PLEKHA5: variants seen among roughly 807,000 people sequenced by gnomAD.
PLEKHA5 encodes pleckstrin homology domain-containing family A member 5.
Under a neutral mutation model 181.9 loss-of-function variants are expected in PLEKHA5, and 55 were observed. The observed-to-expected ratio is 0.30, with a 90% CI of 0.24 to 0.38. The LOEUF is 0.38. Among genes scored for constraint, PLEKHA5 ranks in the 10% least tolerant of loss-of-function variants. The probability of loss-of-function intolerance (pLI) is 1.00; values close to 1 mark genes in which losing one functional copy is unlikely to be tolerated. For synonymous variants in PLEKHA5, 535 were observed against 529.4 expected (o/e 1.01, Z -0.15); for missense variants, 1,432 against 1,549.5 (o/e 0.92, Z 1.27).
intron 3 of PLEKHA5, among the ~76,000 whole-genome samples, chr12:19,225,464 T>A (rs777978324): frequency 6.6e-6 from 1 of 152,062 alleles, no homozygotes; most frequent in Non-Finnish European, 1.5e-5. Flanking sequence ...ATTTGTGGAG[T>A]TTTAGTACAG....
At chr12:19,224,376 T>G (rs779058020) in intron 3 of PLEKHA5, among the ~76,000 whole-genome samples, 9 of 152,084 alleles carry the variant, frequency 5.9e-5, no homozygotes, top group Admixed American at 2.6e-4. Context: ...ATGACTTTTG[T>G]TTTTGTTTTT....
At position 19,130,500 on chromosome 12, in the gene PLEKHA5, C is replaced by G. The variant is rs1435608580; in HGVS notation, c.169+370C>G. Among the ~76,000 whole-genome samples, 1 of 151,822 alleles carries G rather than the reference C, an allele frequency of 6.6e-6. No individual in the cohort carries two copies. Among genetic ancestry groups the G allele is most frequent in the African/African-American group, 2.4e-5 (1 of 41,348 alleles). On this transcript the variant is annotated intron_variant, in intron 2 of 31. Coordinates refer to ENST00000429027, the MANE Select transcript of PLEKHA5 (RefSeq NM_001256470.2). This position sits in a 1 kb window ranked among gnomAD's most constrained non-coding sequence, Gnocchi z 4.5. Reference sequence around the variant, plus strand: ...GCCGCTACTCACTCCCCGGTGACCCCCAGCTGCCGTCTTGCCCCCCAGCAA... The same window carrying G: ...GCCGCTACTCACTCCCCGGTGACCCGCAGCTGCCGTCTTGCCCCCCAGCAA...
At chr12:19,168,693 C>T (rs1032374589) in intron 3 of PLEKHA5, among the ~76,000 whole-genome samples, 2 of 152,072 alleles carry the variant, frequency 1.3e-5, no homozygotes, top group African/African-American at 2.4e-5. Context: ...CAAATAATAA[C>T]AGCAATAAGA....
chr12:19,340,445 G>GGAAGT (rs2093796560), intron 21 of PLEKHA5, among the ~76,000 whole-genome samples: 1 of 66,874 alleles, frequency 1.5e-5, no homozygotes, highest in Non-Finnish European at 3.7e-5. Flanking sequence ...ACCCCGTCTG[G>GGAAGT]GAGGTGTACT....
chr12:19,341,207 G>A (rs117891923), intron 21 of PLEKHA5, among the ~76,000 whole-genome samples: 2,784 of 152,246 alleles, frequency 0.018, 42 homozygotes, highest in Admixed American at 0.04. Context: ...AACCCAAGAG[G>A]CAGAGGTCAC....
At chr12:19,164,941 C>T (rs1017931489) in intron 3 of PLEKHA5, among the ~76,000 whole-genome samples, 25 of 152,208 alleles carry the variant, frequency 1.6e-4, no homozygotes, top group Non-Finnish European at 2.4e-4. Context: ...TGCCGTTTTT[C>T]CCCACCTCAA....
intron 3 of PLEKHA5, among the ~76,000 whole-genome samples, chr12:19,211,548 T>G (rs2056906161): frequency 6.6e-6 from 1 of 152,164 alleles, no homozygotes; most frequent in Admixed American, 6.5e-5. Context: ...TCTCAACACC[T>G]TAATATCTGC....
intron 3 of PLEKHA5, among the ~76,000 whole-genome samples, chr12:19,177,244 A>G (rs2047528248): frequency 6.6e-6 from 1 of 152,188 alleles, no homozygotes; most frequent in Non-Finnish European, 1.5e-5. Context: ...ATACATTGTT[A>G]TTTATGTAGC....
chr12:19,286,037 A>G (rs1304937909), intron 12 of PLEKHA5, among the ~76,000 whole-genome samples: 2 of 152,248 alleles, frequency 1.3e-5, no homozygotes, highest in Non-Finnish European at 2.9e-5. Flanking sequence ...AACAACTGAC[A>G]GTATTTGTTA....
chr12:19,308,618 A>G (rs528619434), intron 15 of PLEKHA5, among the ~76,000 whole-genome samples: 1 of 152,324 alleles, frequency 6.6e-6, no homozygotes, highest in East Asian at 1.9e-4. Flanking sequence ...GCCATGTAGG[A>G]AATGCACTGA....
chr12:19,364,368 G>A (rs1467330803), intron 29 of PLEKHA5, among the ~76,000 whole-genome samples: 5 of 151,760 alleles, frequency 3.3e-5, no homozygotes, highest in Non-Finnish European at 5.9e-5. Flanking sequence ...AAAATTATCC[G>A]GGCATAGTGG....
At chr12:19,173,810 T>C (rs141828825) in intron 3 of PLEKHA5, among the ~76,000 whole-genome samples, 174 of 152,350 alleles carry the variant, frequency 1.1e-3, no homozygotes, top group African/African-American at 3.6e-3. Flanking sequence ...CTCATGCGGA[T>C]GATAGTGGTC....
Position 19,284,938 on chromosome 12 carries a change from A to G in PLEKHA5, c.1779+1193A>G, listed in dbSNP as rs548601035. Among the ~76,000 whole-genome samples, 7 of 152,346 alleles carry G rather than the reference A, an allele frequency of 4.6e-5. No homozygotes were observed. The East Asian group carries it at 1.3e-3, about 29-fold the overall frequency. ...ACAGAGCAGGACTCTGACTCAAAAA[A>G]TAGTAATAATAAGTTATTGCTTTAT... On this transcript the variant is annotated intron_variant, in intron 12 of 31. Coordinates refer to ENST00000429027, the MANE Select transcript of PLEKHA5 (RefSeq NM_001256470.2).
intron 11 of PLEKHA5, among the ~76,000 whole-genome samples, chr12:19,282,237 A>AT (rs2076346875): frequency 6.6e-6 from 1 of 152,234 alleles, no homozygotes; most frequent in African/African-American, 2.4e-5. Context: ...TACATGAAGC[A>AT]TTTTTAGATT....
intron 12 of PLEKHA5, among the ~76,000 whole-genome samples, chr12:19,285,838 A>G (rs988740035): frequency 6.6e-6 from 1 of 152,258 alleles, no homozygotes; most frequent in Non-Finnish European, 1.5e-5. Flanking sequence ...TGCATAAAGC[A>G]TTTCTATGGC....
chr12:19,149,733 TC>T (rs923567282), intron 3 of PLEKHA5: 2 of 152,108 alleles, frequency 1.3e-5, no homozygotes, highest in African/African-American at 4.8e-5. Flanking sequence ...GAATGACTCT[TC>T]CTCTAATAGG....
intron 26 of PLEKHA5, among the ~76,000 whole-genome samples, chr12:19,357,240 A>G (rs1462387340): frequency 7.1e-6 from 1 of 140,810 alleles, no homozygotes; most frequent in Non-Finnish European, 1.5e-5. Context: ...CAGAGCTGCC[A>G]TATTCTTTAT....
intron 3 of PLEKHA5, chr12:19,152,507 CTGTAT>C (rs766855598): frequency 7.2e-5 from 11 of 152,200 alleles, no homozygotes; most frequent in Non-Finnish European, 1.3e-4. Context: ...TTAAAATAAT[CTGTAT>C]AATATAAATT....
intron 29 of PLEKHA5, among the ~76,000 whole-genome samples, chr12:19,365,129 T>C (rs917785883): frequency 6.6e-6 from 1 of 152,018 alleles, no homozygotes; most frequent in Non-Finnish European, 1.5e-5. Context: ...CCCACCACTT[T>C]GGGAGGCTGA....
Sources: allele counts gnomAD v4.1 joint callset (sites outside exome capture counted in the v4.1 genomes callset), GRCh38; gene constraint gnomAD v4.1.1; non-coding constraint Gnocchi (gnomAD v3.1); transcripts MANE v1.5; gene names NCBI Gene and HGNC (gene_info 2026-07-23, HGNC 2026-07-21).